DIAPH1: variants seen among roughly 807,000 people sequenced by gnomAD.
The protein encoded by DIAPH1 is diaphanous related formin 1, also known as protein diaphanous homolog 1.
In DIAPH1, 46 loss-of-function variants were observed where a neutral mutation model predicts 140.7. The ratio of observed to expected loss-of-function variants is 0.33; its 90% CI spans 0.26 to 0.42. The LOEUF is 0.42. DIAPH1 is among the 10% of genes least tolerant of loss of function. The probability of loss-of-function intolerance (pLI) is 1.00; values close to 1 mark genes in which losing one functional copy is unlikely to be tolerated. For synonymous variants in DIAPH1, 565 were observed against 551.6 expected (o/e 1.02, Z -0.34); for missense variants, 1,310 against 1,558.7 (o/e 0.84, Z 2.69).
rs529974173 is a variant in DIAPH1 at position 141,554,699 on chromosome 5, AT to A, written c.2482+16728del. On this transcript the variant is annotated intron_variant, in intron 18 of 27. Transcript: ENST00000389054. ...GGGTATAAAATAAAAATAATAACAG[AT>A]CACATTCAAGTTAGATTTGTTTTAG... Among the ~76,000 whole-genome samples the A allele has an allele frequency of 3.4e-3, 517 of 152,316 alleles. 3 individuals carry two copies. Among genetic ancestry groups the A allele is most frequent in the Non-Finnish European group, 5.5e-3 (373 of 68,018 alleles).
chr5:141,572,789 C>T (rs920361375), intron 16 of DIAPH1, among the ~76,000 whole-genome samples: 13 of 150,994 alleles, frequency 8.6e-5, no homozygotes, highest in Admixed American at 7.2e-4. Flanking sequence ...AAAAAATGGC[C>T]TGTGTAACTC....
chr5:141,578,135 C>A, intron 11 of DIAPH1, 90 bp downstream of exon 11: 1 of 960,024 alleles, frequency 1.0e-6, no homozygotes, highest in Non-Finnish European at 1.7e-6. Flanking sequence ...TGTTCTGAGT[C>A]ATCATCTCCC....
Position 141,618,917 on chromosome 5 carries a change from C to G in DIAPH1, c.-3G>C, listed in dbSNP as rs755880347. ...AGGCTCCCGCCGGGCGGCTCCATGTCCCGGTTCACGCTGGCCGGCGACCCC... is the reference window on the plus strand; with the variant it reads ...AGGCTCCCGCCGGGCGGCTCCATGTGCCGGTTCACGCTGGCCGGCGACCCC... On this transcript the variant is annotated 5_prime_UTR_variant, in exon 1 of 28. Transcript: ENST00000389054. The G allele has an allele frequency of 2.1e-4, 307 of 1,497,546 alleles. No homozygotes were observed. The highest frequency in any genetic ancestry group is 2.5e-4 in the Non-Finnish European group (284 of 1,120,132). The allele number at this position is 1,497,546 out of a possible 1,614,324, so 92.8% of individuals were successfully genotyped here.
chr5:141,527,699 T>TAAAAAAAAAAAAAAAAAAAAACA lies in DIAPH1; in HGVS notation c.3149-3_3149-2insTGTTTTTTTTTTTTTTTTTTTTT. On this transcript the variant is annotated splice_polypyrimidine_tract_variant and splice_region_variant and intron_variant, in intron 23 of 27. Transcript: ENST00000389054. ...TCTTTTGCAAGTTTTCAGCAGAAAC[T>TAAAAAAAAAAAAAAAAAAAAACA]AAAAAAAAAAAAAAAAAAAAAAACC... 1.8e-6 allele frequency: 2 copies of TAAAAAAAAAAAAAAAAAAAAACA among 1,130,080 alleles called. No homozygotes were observed. The highest frequency in any genetic ancestry group is 2.2e-6 in the Non-Finnish European group (2 of 891,156). The allele number at this position is 1,130,080 out of a possible 1,614,324, so 70.0% of individuals were successfully genotyped here.
intron 1 of DIAPH1, 76 bp downstream of exon 1, chr5:141,618,722 C>A: frequency 1.7e-5 from 18 of 1,089,308 alleles, no homozygotes; most frequent in Non-Finnish European, 2.4e-5. Flanking sequence ...GCCGGGCAGG[C>A]GCCCCAGGGG....
chr5:141,610,645 G>C (rs543415338), intron 1 of DIAPH1, among the ~76,000 whole-genome samples: 1 of 151,932 alleles, frequency 6.6e-6, no homozygotes, highest in South Asian at 2.1e-4. Flanking sequence ...ACATTGGACA[G>C]GCTGGTCTCT....
At chr5:141,517,491 C>T (rs778137267) in intron 27 of DIAPH1, among the ~76,000 whole-genome samples, 19 of 152,136 alleles carry the variant, frequency 1.2e-4, no homozygotes, top group Non-Finnish European at 1.5e-5. Context: ...GGCAACCTTC[C>T]GTAAGTGGCT....
intron 1 of DIAPH1, 63 bp downstream of exon 1, chr5:141,618,735 G>A: frequency 8.1e-7 from 1 of 1,239,988 alleles, no homozygotes; most frequent in South Asian, 1.3e-5. Context: ...CCCAGGGGCC[G>A]GCTGCAGGGG....
chr5:141,519,143 A>C (rs1308944315), intron 27 of DIAPH1: 2 of 767,052 alleles, frequency 2.6e-6, no homozygotes, highest in Admixed American at 4.3e-5. Context: ...CCCGTGACTG[A>C]GACAAGTGAG....
chr5:141,603,609 C>T (rs2099900494), intron 1 of DIAPH1, among the ~76,000 whole-genome samples: 1 of 152,146 alleles, frequency 6.6e-6, no homozygotes, highest in Non-Finnish European at 1.5e-5. Flanking sequence ...GTAGTCCATT[C>T]TGTATTTCAA....
intron 1 of DIAPH1, among the ~76,000 whole-genome samples, chr5:141,596,339 A>G (rs1046964121): frequency 2.0e-5 from 3 of 152,004 alleles, no homozygotes; most frequent in Non-Finnish European, 4.4e-5. Flanking sequence ...TCTCAAAAAA[A>G]AAAAGTAATA....
At chr5:141,524,023 GGATGCAGGGACTAAAAAGATGCTTAGA>G in intron 27 of DIAPH1, 93 bp downstream of exon 27, 4 of 881,366 alleles carry the variant, frequency 4.5e-6, no homozygotes, top group South Asian at 4.0e-5. Flanking sequence ...AATCCGTTCT[GGATGCAGGGACTAAAAAGATGCTTAGA>G]GCATCATTAT....
chr5:141,589,874 C>A (rs1447106860), intron 1 of DIAPH1, among the ~76,000 whole-genome samples: 2 of 151,964 alleles, frequency 1.3e-5, no homozygotes, highest in Non-Finnish European at 2.9e-5. Flanking sequence ...TAATTTTAAA[C>A]AATATTTCTT....
rs956137477 is a variant in DIAPH1 at position 141,516,659 on chromosome 5, C to T, written c.*192G>A. On this transcript the variant is annotated 3_prime_UTR_variant, in exon 28 of 28. Coordinates refer to ENST00000389054, the MANE Select transcript of DIAPH1 (RefSeq NM_005219.5). The stretch of plus-strand genomic sequence containing the variant: ...GGGCTCAGGCCTCCCCTGCACTGCC[C>T]TTTCCTTCTGGCCTCCAGGCAGCTG... 1.0e-5 allele frequency: 7 copies of T among 685,502 alleles called. No homozygotes were observed. The highest frequency in any genetic ancestry group is 8.8e-5 in the African/African-American group (5 of 56,662). The allele number at this position is 685,502 out of a possible 1,614,324, so 42.5% of individuals were successfully genotyped here.
chr5:141,546,240 G>C (rs1562298500), intron 18 of DIAPH1, among the ~76,000 whole-genome samples: 2 of 152,142 alleles, frequency 1.3e-5, no homozygotes, highest in Non-Finnish European at 2.9e-5. Context: ...AAATTAGCCA[G>C]GCATGGTGGC....
At chr5:141,571,813 A>G (rs774947844) in intron 17 of DIAPH1, 113 bp downstream of exon 17, 5 of 830,110 alleles carry the variant, frequency 6.0e-6, no homozygotes, top group South Asian at 5.4e-5. Context: ...TCAGTCTTCC[A>G]TCCAACATAC....
intron 18 of DIAPH1, among the ~76,000 whole-genome samples, chr5:141,542,345 A>G (rs2099890112): frequency 6.6e-6 from 1 of 152,090 alleles, no homozygotes; most frequent in Admixed American, 6.5e-5. Context: ...AGGCAAGAGA[A>G]TCACTTGAAC....
chr5:141,529,530 A>G, intron 20 of DIAPH1, 73 bp downstream of exon 20: 1 of 1,236,538 alleles, frequency 8.1e-7, no homozygotes, highest in Non-Finnish European at 1.2e-6. Flanking sequence ...GATCCTCTTC[A>G]TCTACACAGA....
At chr5:141,524,415 A>G (rs1264213970) in intron 26 of DIAPH1, 186 bp from the exon 27 acceptor site, 2 of 653,608 alleles carry the variant, frequency 3.1e-6, no homozygotes, top group Non-Finnish European at 5.5e-6. Flanking sequence ...TATCTGCTAA[A>G]AAATGGTTAA....
Sources: gnomAD v4.1 joint callset for allele counts (sites outside exome capture counted in the v4.1 genomes callset) on GRCh38, gnomAD v4.1.1 for gene constraint, MANE v1.5 for transcripts, NCBI Gene and HGNC (gene_info 2026-07-23, HGNC 2026-07-21) for gene names.